The following GAK variants were observed in gnomAD, a reference collection of about 807,000 sequenced individuals.
The protein encoded by GAK is cyclin-G-associated kinase.
Under a neutral mutation model 143.9 loss-of-function variants are expected in GAK, and 79 were observed. That is an observed-to-expected ratio of 0.55 (90% CI 0.46 to 0.66). GAK has a LOEUF of 0.66. Among genes scored for constraint, GAK ranks in the 30% least tolerant of loss-of-function variants. The pLI is 0.00. For missense variants in GAK, 1,693 were observed against 1,779.7 expected (o/e 0.95, Z 0.88); for synonymous variants, 881 against 765.5 (o/e 1.15, Z -2.49).
chr4:888,696 C>A, intron 11 of GAK, 151 bp downstream of exon 11: 1 of 913,476 alleles, frequency 1.1e-6, no homozygotes, highest in East Asian at 2.7e-5. Context: ...TTCCGACTCC[C>A]TGGGAGAAGC....
chr4:931,745 C>T, intron 1 of GAK, among the ~76,000 whole-genome samples: 1 of 152,288 alleles, frequency 6.6e-6, no homozygotes, highest in South Asian at 2.1e-4. Flanking sequence ...TCCCCAAGCC[C>T]CAGGCCTTGC....
intron 9 of GAK, among the ~76,000 whole-genome samples, chr4:891,716 T>C (rs908454679): frequency 6.6e-5 from 10 of 152,086 alleles, no homozygotes; most frequent in East Asian, 1.9e-4. Flanking sequence ...CACACCCCCC[T>C]GCGAGCCCAC....
chr4:927,592 A>G (rs372448355), intron 1 of GAK, among the ~76,000 whole-genome samples: 177 of 1,854 alleles, frequency 0.095, 34 homozygotes, highest in South Asian at 0.33. Flanking sequence ...GCTCACCTGC[A>G]GTCCGCACTG....
chr4:850,830 G>A (rs1748007205), intron 26 of GAK, 106 bp downstream of exon 26: 1 of 1,283,558 alleles, frequency 7.8e-7, no homozygotes, highest in Non-Finnish European at 1.1e-6. Flanking sequence ...CTCCAGGGGT[G>A]AAAGGTTGCT....
At chr4:882,841 G>A in intron 13 of GAK, 22 bp from the exon 14 acceptor site, 1 of 1,602,624 alleles carries the variant, frequency 6.2e-7, no homozygotes, top group Non-Finnish European at 8.5e-7. Flanking sequence ...GGGCACGGTG[G>A]CACGGACGGC....
intron 11 of GAK, chr4:887,272 CGT>C (rs1218384464): frequency 2.0e-5 from 3 of 148,072 alleles, no homozygotes; most frequent in Non-Finnish European, 3.0e-5. Flanking sequence ...CGCGCACTCA[CGT>C]GTACACATGC....
In GAK at chr4:877,159, C is replaced by T. The variant is rs145385558; in HGVS notation, c.1905G>A (p.Thr635=). ...DGKAVIPLGV[T]VQGDVLIVIY... The stretch of plus-strand genomic sequence containing the variant: ...TGACGATGAGCACGTCTCCTTGCAC[C>T]GTGACGCCCAGGGGAATCACCGCTT... Residue 635 remains threonine, a synonymous_variant, in exon 17 of 28, where the codon ACG becomes ACA. Transcript: ENST00000314167. 1.4e-5 allele frequency: 22 copies of T among 1,613,932 alleles called. No homozygotes were observed. The highest frequency in any genetic ancestry group is 9.3e-5 in the African/African-American group (7 of 74,930).
intron 10 of GAK, 117 bp from the exon 11 acceptor site, chr4:889,087 C>T: frequency 1.6e-6 from 2 of 1,286,704 alleles, no homozygotes; most frequent in Non-Finnish European, 2.1e-6. Flanking sequence ...GGCGCTCGGT[C>T]CCACCTCCCC....
At chr4:900,791 G>C (rs946835099) in intron 5 of GAK, among the ~76,000 whole-genome samples, 9 of 152,088 alleles carry the variant, frequency 5.9e-5, no homozygotes, top group Non-Finnish European at 2.9e-5. Context: ...TTTTAGAAAA[G>C]TAAAATACAA....
intron 1 of GAK, among the ~76,000 whole-genome samples, chr4:917,197 C>T (rs770084853): frequency 5.3e-5 from 8 of 151,540 alleles, no homozygotes; most frequent in South Asian, 2.1e-4. Flanking sequence ...CTCCAGAAAA[C>T]GCAAATGGAT....
At chr4:884,127 A>C (rs368716058) in intron 11 of GAK, 41 bp from the exon 12 acceptor site, 2 of 1,575,114 alleles carry the variant, frequency 1.3e-6, no homozygotes, top group African/African-American at 1.3e-5. Context: ...GACAAGAAAC[A>C]CTCCGCAGTT....
rs201278855 is a variant in GAK, at chr4:870,916, A to G, written c.2055-12T>C. Reference sequence around the variant, plus strand: ...CGTCCAGGTCATACCTGCGGTTACAAGTAGACACCACTTAGGAAGGCCACC... The same window carrying G: ...CGTCCAGGTCATACCTGCGGTTACAGGTAGACACCACTTAGGAAGGCCACC... On this transcript the variant is annotated splice_polypyrimidine_tract_variant and intron_variant, in intron 18 of 27. Transcript: ENST00000314167. 1.9e-6 allele frequency: 3 copies of G among 1,600,666 alleles called. No individual in the cohort carries two copies. Among genetic ancestry groups the G allele is most frequent in the Non-Finnish European group, 2.6e-6 (3 of 1,172,594 alleles).
chr4:868,462 G>A (rs1205026228), intron 20 of GAK, 77 bp downstream of exon 20: 18 of 1,512,872 alleles, frequency 1.2e-5, no homozygotes, highest in Non-Finnish European at 1.4e-5. Flanking sequence ...CTCCCAAGAC[G>A]CTTGCCCTGC....
intron 23 of GAK, among the ~76,000 whole-genome samples, chr4:863,186 G>A (rs773317669): frequency 5.3e-5 from 8 of 152,242 alleles, no homozygotes; most frequent in Non-Finnish European, 8.8e-5. Flanking sequence ...AGACTTCAGT[G>A]CAGGAAGTCT....
intron 15 of GAK, among the ~76,000 whole-genome samples, chr4:881,356 G>A (rs3775130): frequency 0.08 from 12,214 of 152,236 alleles, 687 homozygotes; most frequent in South Asian, 0.18. Flanking sequence ...TTCTGCTGGG[G>A]TGGACTCCTC....
rs535792816 is a variant in GAK at position 883,442 on chromosome 4, C to A, written c.1277G>T (p.Gly426Val). The change falls in exon 13 of 28, where the codon GGT (glycine) becomes GTT (valine). Residue 426 changes from glycine (G) to valine (V), a missense_variant. Gly to Val is a moderately radical substitution (Grantham distance 109). Coordinates refer to ENST00000314167, the MANE Select transcript of GAK (RefSeq NM_005255.4). ...GTTGTTTTTGAGCGCTGACTCCACA[C>A]CTTCTGCTGGGAATGACATCACTGA... ...RIAVMSFPAE[G>V]VESALKNNIE... The A allele has an allele frequency of 6.2e-7, 1 of 1,613,656 alleles. No individual in the cohort carries two copies. The highest frequency in any genetic ancestry group is 1.1e-5 in the South Asian group (1 of 91,090).
intron 11 of GAK, 47 bp downstream of exon 11, chr4:888,800 T>C (rs1717061580): frequency 6.4e-7 from 1 of 1,570,502 alleles, no homozygotes; most frequent in Non-Finnish European, 8.6e-7. Flanking sequence ...GGCTGCAGCC[T>C]GGAACGAGCG....
intron 1 of GAK, among the ~76,000 whole-genome samples, chr4:922,098 T>G (rs920124349): frequency 6.6e-6 from 1 of 152,160 alleles, no homozygotes; most frequent in African/African-American, 2.4e-5. Flanking sequence ...GATGACCCTA[T>G]GCGGAGACGG....
chr4:908,572 C>T (rs2011477877), intron 4 of GAK, among the ~76,000 whole-genome samples: 1 of 151,342 alleles, frequency 6.6e-6, no homozygotes. Flanking sequence ...TGCTTGAGCT[C>T]GCGTGTTCAA....
Sources: gnomAD v4.1 joint callset for allele counts (sites outside exome capture counted in the v4.1 genomes callset) on GRCh38, gnomAD v4.1.1 for gene constraint, MANE v1.5 for transcripts, NCBI Gene and HGNC (gene_info 2026-07-23, HGNC 2026-07-21) for gene names.